Variants in MYT1L observed in about 807,000 individuals in gnomAD.
The protein encoded by MYT1L is myelin transcription factor 1-like protein.
A neutral mutation model predicts 126.7 loss-of-function variants in MYT1L; 12 were observed. That is an observed-to-expected ratio of 0.09 (90% confidence interval 0.06 to 0.15). The LOEUF (loss-of-function observed/expected upper bound fraction) is 0.15. Among genes scored for constraint, MYT1L ranks in the 10% least tolerant of loss-of-function variants. MYT1L has a pLI of 1.00. For missense variants in MYT1L, 979 were observed against 1,585.2 expected, an observed-to-expected ratio of 0.62 and a Z score of 6.49; for synonymous variants, 541 against 604.2, an observed-to-expected ratio of 0.90 and a Z score of 1.53.
intron 2 of MYT1L, among the ~76,000 whole-genome samples, chr2:2,225,751 T>G (rs1057344899): frequency 4.6e-5 from 7 of 152,094 alleles, no homozygotes; most frequent in African/African-American, 1.7e-4. Context: ...TAGCTAGGTA[T>G]ACAAATGTAA....
intron 4 of MYT1L, among the ~76,000 whole-genome samples, chr2:2,011,084 G>C (rs943567758): frequency 6.6e-6 from 1 of 152,112 alleles, no homozygotes; most frequent in Admixed American, 6.5e-5. Context: ...CCCAAACTTG[G>C]ATCCATATAA....
intron 1 of MYT1L, among the ~76,000 whole-genome samples, chr2:2,318,881 A>G (rs2096113953): frequency 6.6e-6 from 1 of 152,254 alleles, no homozygotes; most frequent in Non-Finnish European, 1.5e-5. Context: ...TTAAATTTCC[A>G]TACTCTGAGA....
At chr2:2,186,050 G>C (rs1251016073) in intron 2 of MYT1L, among the ~76,000 whole-genome samples, 2 of 129,110 alleles carry the variant, frequency 1.5e-5, no homozygotes, top group Non-Finnish European at 3.2e-5. Context: ...GGACGCAGCC[G>C]GGCCTCCCAG....
intron 21 of MYT1L, among the ~76,000 whole-genome samples, chr2:1,837,216 T>A (rs1484612688): frequency 6.6e-6 from 1 of 152,264 alleles, no homozygotes; most frequent in African/African-American, 2.4e-5. Context: ...TGGTATTTGC[T>A]GCTTAAATCA....
rs2148875672 is a variant in MYT1L at position 1,892,040 on chromosome 2, C to T, written c.2280G>A (p.Thr760=). Residue 760 remains threonine (T), a synonymous_variant, in exon 15 of 25, where the codon ACG becomes ACA. Coordinates refer to ENST00000647738, the MANE Select transcript of MYT1L (RefSeq NM_001303052.2). The part of the protein sequence containing the change: ...LSTKPQDLCA[T]RNPDMEVDEN... ...CCACCTGCCCAGGCGCGCGTACCCG[C>T]GTGGCGCACAGGTCCTGCGGCTTGG... 2 of 1,527,636 alleles carry T rather than the reference C, an allele frequency of 1.3e-6. No individual in the cohort carries two copies. The highest frequency in any genetic ancestry group is 1.7e-4 in the Middle Eastern group (1 of 5,882). The allele number at this position is 1,527,636 out of a possible 1,614,324, so 94.6% of individuals were successfully genotyped here. A position where few individuals can be genotyped will look rare whatever the true frequency, so the allele number is the denominator to read the frequency against.
intron 21 of MYT1L, among the ~76,000 whole-genome samples, chr2:1,838,166 G>C (rs1023261601): frequency 3.3e-5 from 5 of 151,974 alleles, no homozygotes; most frequent in African/African-American, 4.8e-5. Context: ...TGCCCACCTC[G>C]GCCTCTCAAA....
intron 2 of MYT1L, among the ~76,000 whole-genome samples, chr2:2,208,695 A>G (rs2093399361): frequency 6.6e-6 from 1 of 152,200 alleles, no homozygotes; most frequent in Admixed American, 6.5e-5. Flanking sequence ...TAAATATGAC[A>G]TTAGTTTTTA....
At chr2:2,268,568 AC>A (rs1369991905) in intron 2 of MYT1L, among the ~76,000 whole-genome samples, 1 of 152,170 alleles carries the variant, frequency 6.6e-6, no homozygotes, top group Non-Finnish European at 1.5e-5. Context: ...ATGTTTGAAA[AC>A]TTTTTTGGCC....
At chr2:2,157,912 A>G (rs536155002) in intron 3 of MYT1L, among the ~76,000 whole-genome samples, 28 of 152,256 alleles carry the variant, frequency 1.8e-4, no homozygotes, top group African/African-American at 6.7e-4. Context: ...CAACGGATCC[A>G]CAGAGCCAGA....
chr2:2,082,962 T>C (rs1411821205), intron 3 of MYT1L, among the ~76,000 whole-genome samples: 1 of 152,096 alleles, frequency 6.6e-6, no homozygotes, highest in Non-Finnish European at 1.5e-5. Context: ...CCAATCAAGA[T>C]GCATCTCAAG....
intron 8 of MYT1L, among the ~76,000 whole-genome samples, chr2:1,966,379 G>A (rs2059359585): frequency 6.6e-6 from 1 of 152,174 alleles, no homozygotes; most frequent in Non-Finnish European, 1.5e-5. Context: ...GAATAAGAAG[G>A]AAGCAATTTG....
chr2:2,277,383 C>G (rs1036978031), intron 2 of MYT1L, among the ~76,000 whole-genome samples: 7 of 152,344 alleles, frequency 4.6e-5, no homozygotes, highest in Admixed American at 4.6e-4. Flanking sequence ...TGGAAAACCA[C>G]TTCTGTTACC....
chr2:2,266,019 C>T (rs1484158617), intron 2 of MYT1L, among the ~76,000 whole-genome samples: 5 of 152,082 alleles, frequency 3.3e-5, no homozygotes, highest in South Asian at 2.1e-4. Context: ...TGCAGGTCTG[C>T]GGGGGCAATC....
At chr2:2,042,540 AAT>A (rs1266459213) in intron 4 of MYT1L, among the ~76,000 whole-genome samples, 2 of 152,180 alleles carry the variant, frequency 1.3e-5, no homozygotes, top group Non-Finnish European at 2.9e-5. Flanking sequence ...ACCTTGTTCT[AAT>A]ATATTACCTT....
At chr2:2,084,431 T>C (rs969187737) in intron 3 of MYT1L, among the ~76,000 whole-genome samples, 1 of 152,190 alleles carries the variant, frequency 6.6e-6, no homozygotes, top group African/African-American at 2.4e-5. Context: ...ATGATCAGGT[T>C]AGAAAACACT....
chr2:2,084,472 G>A (rs536471534), intron 3 of MYT1L, among the ~76,000 whole-genome samples: 2 of 152,316 alleles, frequency 1.3e-5, no homozygotes, highest in Non-Finnish European at 2.9e-5. Context: ...TCACCCCACT[G>A]CCCCTTGTGT....
intron 3 of MYT1L, among the ~76,000 whole-genome samples, chr2:2,110,337 T>C (rs1435020167): frequency 1.3e-5 from 2 of 152,100 alleles, no homozygotes; most frequent in Admixed American, 6.5e-5. Flanking sequence ...ATTTATCTGT[T>C]CCCCTTTATA....
chr2:2,036,689 T>C (rs1206944737), intron 4 of MYT1L, among the ~76,000 whole-genome samples: 1 of 152,248 alleles, frequency 6.6e-6, no homozygotes, highest in Non-Finnish European at 1.5e-5. Context: ...GCAATGATCA[T>C]AGTCTGAGCT....
chr2:2,136,890 A>G (rs927565777), intron 3 of MYT1L, among the ~76,000 whole-genome samples: 1 of 152,232 alleles, frequency 6.6e-6, no homozygotes, highest in Non-Finnish European at 1.5e-5. Flanking sequence ...GAAAAGAGGA[A>G]GTCAAATTGT....
Sources: allele counts gnomAD v4.1 joint callset (sites outside exome capture counted in the v4.1 genomes callset), GRCh38; gene constraint gnomAD v4.1.1; transcripts MANE v1.5; gene names NCBI Gene and HGNC (gene_info 2026-07-23, HGNC 2026-07-21).